The following PTPRT variants were observed in gnomAD, a reference collection of about 807,000 sequenced individuals.
The protein encoded by PTPRT is receptor-type tyrosine-protein phosphatase T.
A neutral mutation model predicts 176.8 loss-of-function variants in PTPRT; 56 were observed. That is an observed-to-expected ratio of 0.32 (90% confidence interval 0.26 to 0.40). The LOEUF (loss-of-function observed/expected upper bound fraction) is 0.40, where lower values mean the gene tolerates loss of function less well. Among genes scored for constraint, PTPRT ranks in the 10% least tolerant of loss-of-function variants. The pLI, the probability that PTPRT is intolerant of heterozygous loss-of-function variation, is 1.00. For synonymous variants in PTPRT, 783 were observed against 739.0 expected, an observed-to-expected ratio of 1.06 and a Z score of -0.96; for missense variants, 1,540 against 1,908.2, an observed-to-expected ratio of 0.81 and a Z score of 3.60.
intron 1 of PTPRT, among the ~76,000 whole-genome samples, chr20:43,090,836 A>G (rs2011813950): frequency 6.6e-6 from 1 of 151,658 alleles, no homozygotes; most frequent in South Asian, 2.1e-4. Context: ...AAACAGGAGG[A>G]AATAATTACC....
At chr20:42,996,688 A>C (rs1256482005) in intron 1 of PTPRT, among the ~76,000 whole-genome samples, 1 of 152,210 alleles carries the variant, frequency 6.6e-6, no homozygotes, top group Admixed American at 6.5e-5. Flanking sequence ...CAAAGTGGTC[A>C]TTATAACCAA....
At position 42,084,846 on chromosome 20, in the gene PTPRT, C is replaced by T; in HGVS notation, c.3973-1G>A. ...GGACTATACGATAACCATCCTGTGG[C>T]TGAGAACAGAGAGGCTGTTAGGGCT... On this transcript the variant is annotated splice_acceptor_variant, in intron 28 of 30. Coordinates refer to ENST00000373187, the MANE Select transcript of PTPRT (RefSeq NM_007050.6). LOFTEE classifies it high-confidence loss of function. 7.0e-7 allele frequency: 1 copy of T among 1,422,582 alleles called. No homozygotes were observed. The highest frequency in any genetic ancestry group is 9.3e-7 in the Non-Finnish European group (1 of 1,070,548). The allele number at this position is 1,422,582 out of a possible 1,614,324, so 88.1% of individuals were successfully genotyped here.
At chr20:42,572,916 GTTTTTGTTTT>G (rs1183730453) in intron 7 of PTPRT, among the ~76,000 whole-genome samples, 4 of 116,786 alleles carry the variant, frequency 3.4e-5, no homozygotes, top group Middle Eastern at 4.4e-3. Flanking sequence ...CTAGAGATAA[GTTTTTGTTTT>G]TTTTTTTTTT....
At chr20:42,998,938 G>A in intron 1 of PTPRT, among the ~76,000 whole-genome samples, 1 of 152,190 alleles carries the variant, frequency 6.6e-6, no homozygotes, top group Non-Finnish European at 1.5e-5. Context: ...TGTATGCAGG[G>A]AGAGATGCTA....
chr20:42,932,295 A>C, intron 1 of PTPRT, among the ~76,000 whole-genome samples: 1 of 152,216 alleles, frequency 6.6e-6, no homozygotes, highest in Admixed American at 6.5e-5. Flanking sequence ...TAAGGCAGAC[A>C]TCACTTCTCA....
At chr20:42,409,339 G>T (rs6072730) in intron 9 of PTPRT, among the ~76,000 whole-genome samples, 4,675 of 151,518 alleles carry the variant, frequency 0.031, 83 homozygotes, top group African/African-American at 0.037. Context: ...AAAATTAGCC[G>T]GGCATGGTGT....
chr20:42,341,160 T>C (rs2058105656), intron 11 of PTPRT, among the ~76,000 whole-genome samples: 1 of 152,180 alleles, frequency 6.6e-6, no homozygotes, highest in Non-Finnish European at 1.5e-5. Flanking sequence ...TAGCACTTCC[T>C]GTCTTTCTAC....
chr20:42,868,105 A>G (rs1478849907), intron 2 of PTPRT, among the ~76,000 whole-genome samples: 1 of 152,212 alleles, frequency 6.6e-6, no homozygotes, highest in Non-Finnish European at 1.5e-5. Flanking sequence ...AGAAATGGGT[A>G]ATGAGTAGAA....
chr20:42,781,066 C>T (rs1050931294), intron 3 of PTPRT, among the ~76,000 whole-genome samples: 3 of 152,054 alleles, frequency 2.0e-5, no homozygotes, highest in Admixed American at 6.6e-5. Flanking sequence ...TCCCATACTC[C>T]GGCACAGTCT....
At chr20:43,100,907 G>A (rs1251552143) in intron 1 of PTPRT, among the ~76,000 whole-genome samples, 3 of 151,680 alleles carry the variant, frequency 2.0e-5, no homozygotes, top group African/African-American at 7.3e-5. Flanking sequence ...TGTGTGTTGG[G>A]ATGGCATTAA....
intron 7 of PTPRT, among the ~76,000 whole-genome samples, chr20:42,648,585 T>C (rs1382820182): frequency 1.3e-5 from 2 of 152,102 alleles, no homozygotes; most frequent in Non-Finnish European, 2.9e-5. Context: ...CCGCTACAGC[T>C]GCAATTCCAT....
intron 12 of PTPRT, among the ~76,000 whole-genome samples, chr20:42,298,533 C>T (rs2057418699): frequency 6.6e-6 from 1 of 152,182 alleles, no homozygotes; most frequent in Non-Finnish European, 1.5e-5. Context: ...AATATATGTG[C>T]ACAAGTTCCT....
At chr20:42,371,458 G>A (rs2058585734) in intron 9 of PTPRT, among the ~76,000 whole-genome samples, 1 of 152,138 alleles carries the variant, frequency 6.6e-6, no homozygotes, top group Non-Finnish European at 1.5e-5. Flanking sequence ...TACTTCTGAA[G>A]CAAATATTAC....
intron 1 of PTPRT, among the ~76,000 whole-genome samples, chr20:43,187,429 C>T (rs1205888487): frequency 6.6e-6 from 1 of 151,502 alleles, no homozygotes; most frequent in East Asian, 1.9e-4. Context: ...TCAACATTTA[C>T]AGTATTCTTG....
At chr20:42,350,228 T>TG (rs745693310) in intron 11 of PTPRT, among the ~76,000 whole-genome samples, 8,606 of 117,508 alleles carry the variant, frequency 0.073, 410 homozygotes, top group African/African-American at 0.087. Flanking sequence ...TTTTTTTTTT[T>TG]TTTTTTTTTT....
intron 18 of PTPRT, among the ~76,000 whole-genome samples, chr20:42,132,053 T>G (rs1988148611): frequency 6.6e-6 from 1 of 152,202 alleles, no homozygotes. Context: ...TGTGAAGCCA[T>G]GAAGACTCAA....
chr20:42,901,179 G>A (rs923261944), intron 1 of PTPRT, among the ~76,000 whole-genome samples: 8 of 152,058 alleles, frequency 5.3e-5, no homozygotes, highest in African/African-American at 1.9e-4. Flanking sequence ...ACTTGCGTTG[G>A]CCCCCTGGAC....
intron 1 of PTPRT, among the ~76,000 whole-genome samples, chr20:42,986,294 G>A (rs1207494788): frequency 6.6e-6 from 1 of 152,190 alleles, no homozygotes; most frequent in African/African-American, 2.4e-5. Context: ...AGACCCTGAG[G>A]TGTTCCCAGC....
At chr20:42,345,237 G>A (rs931665199) in intron 11 of PTPRT, among the ~76,000 whole-genome samples, 8 of 151,580 alleles carry the variant, frequency 5.3e-5, no homozygotes, top group Non-Finnish European at 8.8e-5. Flanking sequence ...CCATATATCT[G>A]GTGCTCAATG....
Sources: allele counts gnomAD v4.1 joint callset (sites outside exome capture counted in the v4.1 genomes callset), GRCh38; gene constraint gnomAD v4.1.1; transcripts MANE v1.5; gene names NCBI Gene and HGNC (gene_info 2026-07-23, HGNC 2026-07-21).